Variants in FHIT observed in about 807,000 individuals in gnomAD.
FHIT encodes the protein fragile histidine triad diadenosine triphosphatase.
Under a neutral mutation model 17.9 loss-of-function variants are expected in FHIT, and 19 were observed. That is an observed-to-expected ratio of 1.06 (90% CI 0.74 to 1.56). FHIT has a LOEUF of 1.56. FHIT is among the 40% of genes most tolerant of loss of function. FHIT has a pLI of 0.00. For missense variants in FHIT, 248 were observed against 189.2 expected (o/e 1.31, Z -1.82); for synonymous variants, 81 against 69.7 (o/e 1.16, Z -0.81).
chr3:59,789,682 A>G (rs931796904), intron 8 of FHIT, among the ~76,000 whole-genome samples: 1 of 152,096 alleles, frequency 6.6e-6, no homozygotes, highest in Non-Finnish European at 1.5e-5. Context: ...TAGTCTTTTT[A>G]GGGGATGCAT....
chr3:60,019,942 A>G (rs1324192604), intron 5 of FHIT, among the ~76,000 whole-genome samples: 1 of 152,172 alleles, frequency 6.6e-6, no homozygotes, highest in Non-Finnish European at 1.5e-5. Context: ...TGGCAGAATA[A>G]TCGACCACAG....
intron 5 of FHIT, among the ~76,000 whole-genome samples, chr3:60,312,852 A>T (rs975308511): frequency 8.5e-5 from 13 of 152,210 alleles, no homozygotes; most frequent in African/African-American, 3.1e-4. Flanking sequence ...TAAAAATAAC[A>T]AAACAAAACC....
intron 8 of FHIT, among the ~76,000 whole-genome samples, chr3:59,847,453 T>G (rs529607911): frequency 2.6e-5 from 4 of 152,310 alleles, no homozygotes. Context: ...CTCTCTTTAT[T>G]GATGTTGCCC....
intron 8 of FHIT, among the ~76,000 whole-genome samples, chr3:59,779,047 A>G (rs1475547302): frequency 1.3e-5 from 2 of 152,196 alleles, no homozygotes; most frequent in African/African-American, 4.8e-5. Flanking sequence ...GAGAATGGGC[A>G]CTACTGATTA....
chr3:60,078,796 C>A (rs1703146446), intron 5 of FHIT, among the ~76,000 whole-genome samples: 1 of 152,026 alleles, frequency 6.6e-6, no homozygotes, highest in African/African-American at 2.4e-5. Flanking sequence ...GGTACACACA[C>A]TCATATATAG....
intron 5 of FHIT, among the ~76,000 whole-genome samples, chr3:60,169,085 A>G (rs1026073886): frequency 6.6e-6 from 1 of 152,204 alleles, no homozygotes; most frequent in Non-Finnish European, 1.5e-5. Context: ...CAACCAAATA[A>G]GAAAGTAAGT....
rs988137610 is a variant in FHIT at position 61,127,170 on chromosome 3, G to T, written c.-164+73447C>A. On this transcript the variant is annotated intron_variant, in intron 2 of 9. Coordinates refer to ENST00000492590, the MANE Select transcript of FHIT (RefSeq NM_002012.4). ...CTTCGGTACTGAGAATCAACCAAAA[G>T]ATGTGAAGAAAGACCCCTTATGAGC... Among the ~76,000 whole-genome samples the T allele has an allele frequency of 5.3e-5, 8 of 152,142 alleles. No homozygotes were observed. The East Asian group carries it at 1.4e-3, about 26-fold the overall frequency.
intron 8 of FHIT, among the ~76,000 whole-genome samples, chr3:59,908,005 G>C (rs116788914): frequency 6.6e-6 from 1 of 152,110 alleles, no homozygotes; most frequent in African/African-American, 2.4e-5. Flanking sequence ...TGATTATATT[G>C]AGTCCACTTG....
chr3:60,654,455 T>C (rs1346737268), intron 4 of FHIT, among the ~76,000 whole-genome samples: 1 of 152,122 alleles, frequency 6.6e-6, no homozygotes, highest in Non-Finnish European at 1.5e-5. Flanking sequence ...AATGGAGGTC[T>C]GTAAGAGACA....
At chr3:60,334,009 T>A (rs1043691755) in intron 5 of FHIT, among the ~76,000 whole-genome samples, 1 of 152,142 alleles carries the variant, frequency 6.6e-6, no homozygotes, top group Non-Finnish European at 1.5e-5. Context: ...TTTTAGTCAG[T>A]GAGAGAGATG....
In FHIT at chr3:60,859,723, A is replaced by ATTTTTTTTTTTTTT. The variant is rs71092647; in HGVS notation, c.-110-37726_-110-37713dup. On this transcript the variant is annotated intron_variant, in intron 3 of 9. Coordinates refer to ENST00000492590, the MANE Select transcript of FHIT (RefSeq NM_002012.4). ...ACATTTGCAGTGGATTCTGAATACG[A>ATTTTTTTTTTTTTT]TTTTTTTTTTTTTTTTTTTTTTTTT... 9.6e-4 allele frequency among the ~76,000 whole-genome samples: 50 copies of ATTTTTTTTTTTTTT among 51,926 alleles called. 9 individuals are homozygous for ATTTTTTTTTTTTTT. The highest frequency in any genetic ancestry group is 1.1e-3 in the Non-Finnish European group (32 of 29,368). The allele number at this position is 51,926 out of a possible 152,430, so 34.1% of individuals were successfully genotyped here.
At chr3:61,243,615 T>C (rs1173945193) in intron 1 of FHIT, among the ~76,000 whole-genome samples, 17 of 152,208 alleles carry the variant, frequency 1.1e-4, no homozygotes, top group Admixed American at 1.1e-3. Context: ...GTATTTTATC[T>C]GAACAACTGT....
intron 5 of FHIT, among the ~76,000 whole-genome samples, chr3:60,479,387 C>T (rs2033500836): frequency 6.6e-6 from 1 of 152,026 alleles, no homozygotes; most frequent in Non-Finnish European, 1.5e-5. Context: ...CAGTCATGCA[C>T]CACGTAATGA....
At chr3:61,107,797 A>G (rs2036033998) in intron 2 of FHIT, among the ~76,000 whole-genome samples, 2 of 152,330 alleles carry the variant, frequency 1.3e-5, no homozygotes, top group East Asian at 3.9e-4. Flanking sequence ...TATGGACAGA[A>G]AAAGGAAAGT....
At chr3:60,278,775 A>G (rs922475078) in intron 5 of FHIT, among the ~76,000 whole-genome samples, 3 of 152,166 alleles carry the variant, frequency 2.0e-5, no homozygotes, top group Non-Finnish European at 4.4e-5. Flanking sequence ...AGCTTTCAAC[A>G]ACAAAAATAA....
chr3:60,568,533 A>G (rs2037224579), intron 4 of FHIT, among the ~76,000 whole-genome samples: 1 of 152,046 alleles, frequency 6.6e-6, no homozygotes, highest in Admixed American at 6.6e-5. Context: ...GGTGCAGCAC[A>G]CCAACATGGC....
chr3:61,066,913 G>A (rs2034631155), intron 2 of FHIT, among the ~76,000 whole-genome samples: 1 of 152,214 alleles, frequency 6.6e-6, no homozygotes, highest in African/African-American at 2.4e-5. Context: ...GGAGCTGTGT[G>A]GAATGTACCC....
chr3:60,344,053 C>G (rs190961282), intron 5 of FHIT, among the ~76,000 whole-genome samples: 33 of 152,310 alleles, frequency 2.2e-4, no homozygotes, highest in Middle Eastern at 3.4e-3. Context: ...CTCAGTGGAA[C>G]AGACGGGGAT....
At chr3:60,580,372 ATC>A (rs1316067305) in intron 4 of FHIT, among the ~76,000 whole-genome samples, 29 of 152,108 alleles carry the variant, frequency 1.9e-4, no homozygotes, top group African/African-American at 6.3e-4. Context: ...TTAATGAATA[ATC>A]TCTTTTTCAA....
Sources: allele counts gnomAD v4.1 joint callset (sites outside exome capture counted in the v4.1 genomes callset), GRCh38; gene constraint gnomAD v4.1.1; transcripts MANE v1.5; gene names NCBI Gene and HGNC (gene_info 2026-07-23, HGNC 2026-07-21).